The following NOTCH3 variants were observed in gnomAD, a reference collection of about 807,000 sequenced individuals.
NOTCH3 encodes neurogenic locus notch homolog protein 3.
Under a neutral mutation model 213.3 loss-of-function variants are expected in NOTCH3, and 86 were observed. That is an observed-to-expected ratio of 0.40 (90% CI 0.34 to 0.48). The LOEUF (loss-of-function observed/expected upper bound fraction) is 0.48, where lower values mean the gene tolerates loss of function less well. Ranked by LOEUF, NOTCH3 falls within the 20% of genes least tolerant of loss-of-function variation. NOTCH3 has a pLI of 0.57. For missense variants in NOTCH3, 2,783 were observed against 3,272.6 expected, an observed-to-expected ratio of 0.85 and a Z score of 3.65; for synonymous variants, 1,354 against 1,355.9, an observed-to-expected ratio of 1.00 and a Z score of 0.03.
In NOTCH3 at chr19:15,159,611, C is replaced by T. The variant is rs545302855; in HGVS notation, c.*1051G>A. 6.1e-5 allele frequency: 14 copies of T among 228,236 alleles called. No individual in the cohort carries two copies. The East Asian group carries it at 6.9e-4, about 11-fold the overall frequency. The allele number at this position is 228,236 out of a possible 1,614,324, so 14.1% of individuals were successfully genotyped here. ...CCCACTGCCACCACTCCCCACCTTACCTAGACACAGACCAACAACACTGAG... is the reference window on the plus strand; with the variant it reads ...CCCACTGCCACCACTCCCCACCTTATCTAGACACAGACCAACAACACTGAG... On this transcript the variant is annotated 3_prime_UTR_variant, in exon 33 of 33. Transcript: ENST00000263388.
Position 15,178,084 on chromosome 19 carries a change from A to G in NOTCH3, c.3844T>C (p.Trp1282Arg). 6.7e-7 allele frequency: 1 copy of G among 1,482,630 alleles called. No individual in the cohort carries two copies. Among genetic ancestry groups the G allele is most frequent in the Non-Finnish European group, 9.0e-7 (1 of 1,114,468 alleles). 91.8% of individuals were successfully genotyped at this position (1,482,630 alleles called of 1,614,324 possible). A position where few individuals can be genotyped will look rare whatever the true frequency, so the allele number is the denominator to read the frequency against. Residue 1282 changes from tryptophan to arginine, a missense_variant, in exon 24 of 33, where the codon TGG (tryptophan) becomes CGG (arginine). Coordinates refer to ENST00000263388, the MANE Select transcript of NOTCH3 (RefSeq NM_000435.3). ...TFTCHCAQPFWGPRCERVARS... is the reference protein window; with the variant it reads ...TFTCHCAQPFRGPRCERVARS... ...GCCACCCGCTCGCAACGCGGACCCC[A>G]GAACGGCTGGGGGTCGGGTTTGGGG...
In NOTCH3 at chr19:15,173,093, T is replaced by C. The variant is rs1294604816; in HGVS notation, c.4736+975A>G. Reference sequence around the variant, plus strand: ...CTTCTTCTTCTTCTTCTTCTTCTTCTTCTTCTTCTTCTTTTTTTTTTTTTT... The same window carrying C: ...CTTCTTCTTCTTCTTCTTCTTCTTCCTCTTCTTCTTCTTTTTTTTTTTTTT... On this transcript the variant is annotated intron_variant, in intron 25 of 32. Coordinates refer to ENST00000263388, the MANE Select transcript of NOTCH3 (RefSeq NM_000435.3). Among the ~76,000 whole-genome samples the C allele has an allele frequency of 2.0e-3, 63 of 31,022 alleles. 14 individuals are homozygous for C. The highest frequency in any genetic ancestry group is 4.4e-3 in the South Asian group (3 of 678). The allele number at this position is 31,022 out of a possible 152,430, so 20.4% of individuals were successfully genotyped here. A position where few individuals can be genotyped will look rare whatever the true frequency, so the allele number is the denominator to read the frequency against.
In NOTCH3 at chr19:15,192,139, G is replaced by A; in HGVS notation, c.500C>T (p.Pro167Leu). ...SDVDECRVGE[P>L]CRHGGTCLNT... ...GAGGCAGGTGCCACCATGGCGGCAGGGCTCACCCACCCGGCACTCATCCAC... is the reference window on the plus strand; with the variant it reads ...GAGGCAGGTGCCACCATGGCGGCAGAGCTCACCCACCCGGCACTCATCCAC... The change falls in exon 4 of 33, where the codon CCC (proline) becomes CTC (leucine). Residue 167 changes from proline (P) to leucine (L), a missense_variant. Transcript: ENST00000263388. 6.2e-7 allele frequency: 1 copy of A among 1,612,924 alleles called. No individual in the cohort carries two copies. Among genetic ancestry groups the A allele is most frequent in the South Asian group, 1.1e-5 (1 of 91,078 alleles).
At position 15,160,173 on chromosome 19, in the gene NOTCH3, C is replaced by T. The variant is rs901603920; in HGVS notation, c.*489G>A. The T allele has an allele frequency of 4.2e-6, 1 of 239,402 alleles. No individual in the cohort carries two copies. Among genetic ancestry groups the T allele is most frequent in the Non-Finnish European group, 8.2e-6 (1 of 122,680 alleles). 14.8% of individuals were successfully genotyped at this position (239,402 alleles called of 1,614,324 possible). Reference sequence around the variant, plus strand: ...CTAGGTACACAGAATCCAGCTTGGCCGAATGGGCCCACAGACTCAGCCCCA... The same window carrying T: ...CTAGGTACACAGAATCCAGCTTGGCTGAATGGGCCCACAGACTCAGCCCCA... On this transcript the variant is annotated 3_prime_UTR_variant, in exon 33 of 33. Transcript: ENST00000263388.
chr19:15,177,783 G>T lies in NOTCH3; in HGVS notation c.4145C>A (p.Ser1382Ter). ...CEAPAAAPEV[S>*]EEPRCPRAAC... ...GGCGCGCGGGCACCGCGGCTCCTCC[G>T]AGACCTCGGGTGCCGCGGCGGGCGC... The change falls in exon 24 of 33, where the codon TCG (serine) becomes TAG (stop). Residue 1382 changes from serine to a stop codon, truncating the protein, a stop_gained. Transcript: ENST00000263388. LOFTEE classifies it high-confidence loss of function. The T allele has an allele frequency of 7.6e-7, 1 of 1,308,720 alleles. No individual in the cohort carries two copies. Among genetic ancestry groups the T allele is most frequent in the Non-Finnish European group, 9.6e-7 (1 of 1,036,906 alleles). The allele number at this position is 1,308,720 out of a possible 1,614,324, so 81.1% of individuals were successfully genotyped here.
At position 15,187,092 on chromosome 19, in the gene NOTCH3, C is replaced by T. The variant is rs1346577479; in HGVS notation, c.1840+13G>A. The T allele has an allele frequency of 1.9e-6, 3 of 1,611,268 alleles. No individual in the cohort carries two copies. The highest frequency in any genetic ancestry group is 1.7e-6 in the Non-Finnish European group (2 of 1,178,598). On this transcript the variant is annotated intron_variant, in intron 11 of 32. Coordinates refer to ENST00000263388, the MANE Select transcript of NOTCH3 (RefSeq NM_000435.3). ...TCCAGGTGTGCTGTTTCTGCCCCAG[C>T]CCCCGGTCCCACCTGTGGTCCCAGA...
chr19:15,178,335 A>T (rs2046809919), intron 23 of NOTCH3: 1 of 497,486 alleles, frequency 2.0e-6, no homozygotes, highest in Admixed American at 3.8e-5. Context: ...ACGCCCCCCA[A>T]TCACCATCCT....
rs1177188516 is a variant in NOTCH3, at chr19:15,177,816, C to T, written c.4112G>A (p.Arg1371His). The stretch of plus-strand genomic sequence containing the variant: ...GGGTGCCGCGGCGGGCGCCTCGCAG[C>T]GCGGCCCGGTCCAGCCCTGCGCGCA... ...CACAQGWTGP[R>H]CEAPAAAPEV... The change falls in exon 24 of 33, where the codon CGC becomes CAC. Residue 1371 changes from arginine (R) to histidine (H), a missense_variant. Around this residue, in one of 6 missense-constraint regions of NOTCH3, gnomAD observed 133 missense variants for 201.9 expected, o/e 0.66. Coordinates refer to ENST00000263388, the MANE Select transcript of NOTCH3 (RefSeq NM_000435.3). The T allele has an allele frequency of 1.6e-6, 2 of 1,255,990 alleles. No individual in the cohort carries two copies. Among genetic ancestry groups the T allele is most frequent in the African/African-American group, 1.6e-5 (1 of 63,508 alleles). The allele number at this position is 1,255,990 out of a possible 1,614,324, so 77.8% of individuals were successfully genotyped here.
At position 15,161,481 on chromosome 19, in the gene NOTCH3, G is replaced by A; in HGVS notation, c.6147C>T (p.Phe2049=). 1 of 1,580,248 alleles carries A rather than the reference G, an allele frequency of 6.3e-7. No individual in the cohort carries two copies. Among genetic ancestry groups the A allele is most frequent in the Non-Finnish European group, 8.6e-7 (1 of 1,162,914 alleles). The stretch of plus-strand genomic sequence containing the variant: ...ACTGTGCCGCTTTGAGGCCAGGGAG[G>A]AAGGCCCCTGGAGGACAGAGCAGAG... ...LGPLLCPPGA[F]LPGLKAAQSG... Residue 2049 remains phenylalanine, a synonymous_variant, in exon 33 of 33, where the codon TTC becomes TTT. Transcript: ENST00000263388.
Position 15,187,251 on chromosome 19 carries a change from C to G in NOTCH3, c.1694G>C (p.Ser565Thr), listed in dbSNP as rs766795197. 6.2e-7 allele frequency: 1 copy of G among 1,614,128 alleles called. No individual in the cohort carries two copies. Among genetic ancestry groups the G allele is most frequent in the Non-Finnish European group, 8.5e-7 (1 of 1,180,026 alleles). ...HHGRCVDGIA[S>T]FSCACAPGYT... The stretch of plus-strand genomic sequence containing the variant: ...GCCAGGAGCACAGGCACATGAGAAG[C>G]TGGCGATGCCATCCACGCAGCGACC... Residue 565 changes from serine (S) to threonine (T), a missense_variant, in exon 11 of 33, where the codon AGC becomes ACC. This residue lies in a region of NOTCH3 where 708 missense variants were observed against 906.6 expected (regional missense o/e 0.78). Coordinates refer to ENST00000263388, the MANE Select transcript of NOTCH3 (RefSeq NM_000435.3).
rs2145441469 is a variant in NOTCH3, at chr19:15,192,044, C to T, written c.595G>A (p.Val199Met). 2 of 1,613,130 alleles carry T rather than the reference C, an allele frequency of 1.2e-6. No homozygotes were observed. Among genetic ancestry groups the T allele is most frequent in the Non-Finnish European group, 1.7e-6 (2 of 1,179,972 alleles). ...YTGPLCENPAVPCAPSPCRNG... is the reference protein window; with the variant it reads ...YTGPLCENPAMPCAPSPCRNG... Reference sequence around the variant, plus strand: ...CGGCATGGTGAGGGTGCACAGGGCACCGCGGGGTTCTCACATAGTGGCCCT... The same window carrying T: ...CGGCATGGTGAGGGTGCACAGGGCATCGCGGGGTTCTCACATAGTGGCCCT... The change falls in exon 4 of 33, where the codon GTG becomes ATG. Residue 199 changes from valine to methionine, a missense_variant. Val to Met is a conservative substitution (Grantham distance 21). Coordinates refer to ENST00000263388, the MANE Select transcript of NOTCH3 (RefSeq NM_000435.3).
At chr19:15,199,311 G>C (rs1009684170) in intron 1 of NOTCH3, among the ~76,000 whole-genome samples, 15 of 152,242 alleles carry the variant, frequency 9.9e-5, no homozygotes, top group Non-Finnish European at 1.5e-5. Flanking sequence ...TGTGTGTGCT[G>C]TCTGTATGCA....
In NOTCH3 at chr19:15,170,438, G is replaced by A. The variant is rs778849094; in HGVS notation, c.5007C>T (p.Arg1669=). Residue 1669 remains arginine (R), a synonymous_variant, in exon 27 of 33, where the codon CGC becomes CGT. Coordinates refer to ENST00000263388, the MANE Select transcript of NOTCH3 (RefSeq NM_000435.3). The stretch of plus-strand genomic sequence containing the variant: ...CAGGGAACCAGAGGGTGCTGTGCTC[G>A]CGCTTGCGCCGGGCCACCATGACAC... ...VLGVMVARRK[R]EHSTLWFPEG... is the part of the protein sequence containing the mutation. The A allele has an allele frequency of 4.3e-6, 7 of 1,611,664 alleles. 1 individual carries two copies. Among genetic ancestry groups the A allele is most frequent in the African/African-American group, 2.7e-5 (2 of 75,054 alleles).
At chr19:15,166,128 A>C (rs1568347708) in intron 29 of NOTCH3, 37 bp from the exon 30 acceptor site, 1 of 1,578,070 alleles carries the variant, frequency 6.3e-7, no homozygotes. Context: ...GAAGGTAAAC[A>C]CAGGGCCTTT....
chr19:15,196,832 C>G (rs75902808), intron 2 of NOTCH3, among the ~76,000 whole-genome samples: 1,725 of 152,286 alleles, frequency 0.011, 28 homozygotes, highest in African/African-American at 0.038. Context: ...TCCCAGACCC[C>G]AGAATTTAAG....
In NOTCH3 at chr19:15,187,999, G is replaced by C. The variant is rs2046897860; in HGVS notation, c.1493-5C>G. The C allele has an allele frequency of 6.5e-7, 1 of 1,549,476 alleles. No homozygotes were observed. The highest frequency in any genetic ancestry group is 1.4e-5 in the African/African-American group (1 of 73,034). ...GACACGTGGAGCCGCTGAAGCCTGG[G>C]GTGGGGAGTGGGATGAGCAGAGGCC... is the stretch of plus-strand genomic sequence containing the variant. On this transcript the variant is annotated splice_polypyrimidine_tract_variant and splice_region_variant and intron_variant, in intron 9 of 32. Transcript: ENST00000263388.
Position 15,187,284 on chromosome 19 carries a change from C to A in NOTCH3, c.1661G>T (p.Cys554Phe). ...RNVDDCSPDP[C>F]HHGRCVDGIA... Reference sequence around the variant, plus strand: ...GCCATCCACGCAGCGACCATGGTGGCATGGGTCAGGGGAGCAGTCGTCCAC... The same window carrying A: ...GCCATCCACGCAGCGACCATGGTGGAATGGGTCAGGGGAGCAGTCGTCCAC... The change falls in exon 11 of 33, where the codon TGC becomes TTC. Residue 554 changes from cysteine (C) to phenylalanine (F), a missense_variant. Coordinates refer to ENST00000263388, the MANE Select transcript of NOTCH3 (RefSeq NM_000435.3). 1 of 1,614,082 alleles carries A rather than the reference C, an allele frequency of 6.2e-7. No individual in the cohort carries two copies. The highest frequency in any genetic ancestry group is 8.5e-7 in the Non-Finnish European group (1 of 1,180,030).
intron 8 of NOTCH3, 33 bp downstream of exon 8, chr19:15,188,955 CT>C (rs2046905871): frequency 6.3e-7 from 1 of 1,594,972 alleles, no homozygotes; most frequent in African/African-American, 1.3e-5. Context: ...CGCCCCCTGC[CT>C]CAGGACCCGC....
In NOTCH3 at chr19:15,161,626, G is replaced by C; in HGVS notation, c.6002C>G (p.Thr2001Ser). ...LLDHFANREI[T>S]DHLDRLPRDV... Reference sequence around the variant, plus strand: ...CCGCGGCAGCCTGTCCAGGTGGTCGGTGATCTCACGGTTGGCAAAGTGGTC... The same window carrying C: ...CCGCGGCAGCCTGTCCAGGTGGTCGCTGATCTCACGGTTGGCAAAGTGGTC... Residue 2001 changes from threonine (T) to serine (S), a missense_variant, in exon 33 of 33, where the codon ACC becomes AGC. By Grantham distance (58) the Thr-to-Ser change is moderately conservative. Around this residue, in one of 6 missense-constraint regions of NOTCH3, gnomAD observed 636 missense variants for 801.8 expected, o/e 0.79. Coordinates refer to ENST00000263388, the MANE Select transcript of NOTCH3 (RefSeq NM_000435.3). 1 of 1,613,558 alleles carries C rather than the reference G, an allele frequency of 6.2e-7. No individual in the cohort carries two copies.
Sources: allele counts gnomAD v4.1 joint callset (sites outside exome capture counted in the v4.1 genomes callset), GRCh38; gene constraint gnomAD v4.1.1; regional missense constraint gnomAD v4.1.1; transcripts MANE v1.5; gene names NCBI Gene and HGNC (gene_info 2026-07-23, HGNC 2026-07-21).